FBN2: variants seen among roughly 807,000 people sequenced by gnomAD.
The protein encoded by FBN2 is fibrillin-2.
A neutral mutation model predicts 355.6 loss-of-function variants in FBN2; 105 were observed. The observed-to-expected ratio is 0.30, with a 90% CI of 0.25 to 0.35. The LOEUF (loss-of-function observed/expected upper bound fraction) is 0.35. Among genes scored for constraint, FBN2 ranks in the 10% least tolerant of loss-of-function variants. FBN2 has a pLI of 1.00. For synonymous variants in FBN2, 1,350 were observed against 1,301.2 expected (o/e 1.04, Z -0.81); for missense variants, 3,280 against 3,758.7 (o/e 0.87, Z 3.33).
intron 7 of FBN2, among the ~76,000 whole-genome samples, chr5:128,445,826 G>C (rs1166919465): frequency 1.3e-5 from 2 of 152,066 alleles, no homozygotes; most frequent in Non-Finnish European, 2.9e-5. Flanking sequence ...TACAGGTTTT[G>C]ATCACAGATA....
intron 36 of FBN2, among the ~76,000 whole-genome samples, chr5:128,315,980 G>A (rs1750190108): frequency 6.6e-6 from 1 of 152,186 alleles, no homozygotes; most frequent in Non-Finnish European, 1.5e-5. Context: ...CTAGACAAAA[G>A]AGCTGCTCTC....
At chr5:128,486,184 A>G (rs1755333312) in intron 5 of FBN2, among the ~76,000 whole-genome samples, 1 of 152,152 alleles carries the variant, frequency 6.6e-6, no homozygotes, top group Admixed American at 6.5e-5. Context: ...GTACTATCAT[A>G]AACCCGTCAA....
intron 6 of FBN2, among the ~76,000 whole-genome samples, chr5:128,451,960 T>C (rs565666048): frequency 6.6e-6 from 1 of 152,288 alleles, no homozygotes; most frequent in African/African-American, 2.4e-5. Context: ...AAAAGTATTT[T>C]TTTAGAAGAA....
intron 48 of FBN2, among the ~76,000 whole-genome samples, chr5:128,297,555 CTCT>C (rs1415990700): frequency 1.3e-5 from 2 of 152,206 alleles, no homozygotes; most frequent in Non-Finnish European, 1.5e-5. Context: ...GGACAGTTCA[CTCT>C]TCTTGTTGAA....
rs377502943 is a variant in FBN2 at position 128,318,186 on chromosome 5, G to A, written c.4680C>T (p.Pro1560=). The A allele has an allele frequency of 3.7e-6, 6 of 1,613,878 alleles. No individual in the cohort carries two copies. The highest frequency in any genetic ancestry group is 2.2e-5 in the East Asian group (1 of 44,884). Residue 1560 remains proline (P), a synonymous_variant, in exon 36 of 65, where the codon CCC becomes CCT. Transcript: ENST00000262464. ...TPGRYECNCP[P]DFQLNPTGVG... is the part of the protein sequence containing the mutation. ...CACCAGTTGGGTTCAACTGAAAATCGGGTGGGCAGTTACACTCATAGCGAC... is the reference window on the plus strand; with the variant it reads ...CACCAGTTGGGTTCAACTGAAAATCAGGTGGGCAGTTACACTCATAGCGAC...
chr5:128,423,989 G>A (rs1753419811), intron 7 of FBN2, among the ~76,000 whole-genome samples: 1 of 152,168 alleles, frequency 6.6e-6, no homozygotes, highest in Admixed American at 6.5e-5. Context: ...TATAACTTGG[G>A]AAAGAGAATG....
chr5:128,340,876 T>C (rs1169101433), intron 25 of FBN2, among the ~76,000 whole-genome samples: 1 of 152,140 alleles, frequency 6.6e-6, no homozygotes, highest in Non-Finnish European at 1.5e-5. Context: ...ATGGGTAATT[T>C]GGAGGGTGTG....
At chr5:128,530,563 T>C (rs1293129568) in intron 3 of FBN2, 32 bp downstream of exon 3, 2 of 1,422,196 alleles carry the variant, frequency 1.4e-6, no homozygotes, top group Non-Finnish European at 2.0e-6. Context: ...TTAAGAAAAA[T>C]GCAGTGAAAA....
At position 128,366,458 on chromosome 5, in the gene FBN2, TA is replaced by T. The variant is rs772935228; in HGVS notation, c.2249-29del. ...GTATGACAAAAAGAAATAGAAGAATTAAAAACTTAACTATACCTATTCCATA... is the reference window on the plus strand; with the variant it reads ...GTATGACAAAAAGAAATAGAAGAATTAAAACTTAACTATACCTATTCCATA... On this transcript the variant is annotated intron_variant, in intron 16 of 64. Transcript: ENST00000262464. The T allele has an allele frequency of 2.6e-5, 38 of 1,484,786 alleles. No homozygotes were observed. In the Admixed American group the frequency reaches 6.4e-4, roughly 25 times the overall value. The allele number at this position is 1,484,786 out of a possible 1,614,324, so 92.0% of individuals were successfully genotyped here. A position where few individuals can be genotyped will look rare whatever the true frequency, so the allele number is the denominator to read the frequency against.
At chr5:128,305,393 T>C (rs1749840046) in intron 44 of FBN2, 118 bp downstream of exon 44, 2 of 1,163,036 alleles carry the variant, frequency 1.7e-6, no homozygotes, top group Non-Finnish European at 2.6e-6. Context: ...ATAGGTTCAC[T>C]ATAAATGAAC....
intron 41 of FBN2, among the ~76,000 whole-genome samples, chr5:128,307,872 C>G (rs889803562): frequency 2.6e-5 from 4 of 151,966 alleles, no homozygotes; most frequent in African/African-American, 9.7e-5. Context: ...CTCCTGAAAA[C>G]AGTATTATAT....
At chr5:128,393,863 T>C (rs1752583360) in intron 9 of FBN2, among the ~76,000 whole-genome samples, 1 of 152,192 alleles carries the variant, frequency 6.6e-6, no homozygotes, top group African/African-American at 2.4e-5. Context: ...CGGTAGACAA[T>C]ATCAAGTAAG....
At chr5:128,385,702 A>G (rs545290283) in intron 11 of FBN2, among the ~76,000 whole-genome samples, 2 of 151,972 alleles carry the variant, frequency 1.3e-5, no homozygotes, top group African/African-American at 4.8e-5. Context: ...TCACAACCTT[A>G]CCAGCATCTA....
At chr5:128,384,820 A>T (rs1186462442) in intron 11 of FBN2, among the ~76,000 whole-genome samples, 2 of 152,046 alleles carry the variant, frequency 1.3e-5, no homozygotes, top group Non-Finnish European at 2.9e-5. Context: ...CAAAGCTGGG[A>T]GTATTAATCC....
At chr5:128,414,806 CT>C (rs796781037) in intron 7 of FBN2, among the ~76,000 whole-genome samples, 37 of 148,136 alleles carry the variant, frequency 2.5e-4, no homozygotes, top group Admixed American at 4.1e-4. Context: ...TCATTATCTA[CT>C]TTTTTTTTTG....
Position 128,377,747 on chromosome 5 carries a change from C to T in FBN2, c.1849+5G>A, listed in dbSNP as rs1561426412. 1.2e-6 allele frequency: 2 copies of T among 1,613,310 alleles called. No individual in the cohort carries two copies. Among genetic ancestry groups the T allele is most frequent in the Non-Finnish European group, 1.7e-6 (2 of 1,179,500 alleles). The stretch of plus-strand genomic sequence containing the variant: ...CTTTTGCAAGGGAGCAGGCAATTTC[C>T]ATACCAACACAGTTTTTTCCATCTG... On this transcript the variant is annotated splice_donor_5th_base_variant and intron_variant, in intron 13 of 64. Transcript: ENST00000262464.
At chr5:128,285,788 A>G (rs1749131434) in intron 55 of FBN2, among the ~76,000 whole-genome samples, 1 of 152,224 alleles carries the variant, frequency 6.6e-6, no homozygotes, top group Non-Finnish European at 1.5e-5. Flanking sequence ...ATATCTTTAA[A>G]TGTAATAAAG....
chr5:128,300,189 C>T lies in FBN2; in HGVS notation c.6166+628G>A, dbSNP rs182749057. The stretch of plus-strand genomic sequence containing the variant: ...GAAAAACCACACTAAAATGCTGGTG[C>T]TTCTGAATTTCAACAAGGCTGTAAA... On this transcript the variant is annotated intron_variant, in intron 48 of 64. Coordinates refer to ENST00000262464, the MANE Select transcript of FBN2 (RefSeq NM_001999.4). 3.7e-3 allele frequency among the ~76,000 whole-genome samples: 569 copies of T among 152,254 alleles called. 1 individual carries two copies. The highest frequency in any genetic ancestry group is 6.0e-3 in the Non-Finnish European group (408 of 68,012).
chr5:128,508,862 T>C (rs1756036333), intron 5 of FBN2, among the ~76,000 whole-genome samples: 1 of 152,076 alleles, frequency 6.6e-6, no homozygotes, highest in Non-Finnish European at 1.5e-5. Context: ...TTATTAAATA[T>C]AAAAGCCTAG....
Sources: gnomAD v4.1 joint callset for allele counts (sites outside exome capture counted in the v4.1 genomes callset) on GRCh38, gnomAD v4.1.1 for gene constraint, MANE v1.5 for transcripts, NCBI Gene and HGNC (gene_info 2026-07-23, HGNC 2026-07-21) for gene names.